Variants in THSD7B observed in about 807,000 individuals in gnomAD.
THSD7B encodes thrombospondin type 1 domain containing 7B, also known as thrombospondin type-1 domain-containing protein 7B.
A neutral mutation model predicts 213.6 loss-of-function variants in THSD7B; 138 were observed. The ratio of observed to expected loss-of-function variants is 0.65; its 90% CI spans 0.56 to 0.74. The LOEUF is 0.74. Ranked by LOEUF, THSD7B falls within the 30% of genes least tolerant of loss-of-function variation. The pLI, the probability that THSD7B is intolerant of heterozygous loss-of-function variation, is 0.00. For synonymous variants in THSD7B, 742 were observed against 687.0 expected, an observed-to-expected ratio of 1.08 and a Z score of -1.25; for missense variants, 1,931 against 1,991.5, an observed-to-expected ratio of 0.97 and a Z score of 0.58.
At chr2:137,095,876 A>G (rs1285880850) in intron 4 of THSD7B, among the ~76,000 whole-genome samples, 4 of 151,752 alleles carry the variant, frequency 2.6e-5, no homozygotes, top group African/African-American at 9.7e-5. Flanking sequence ...TATATTTTTT[A>G]TTTTGTATAG....
In THSD7B at chr2:137,160,293, G is replaced by T. The variant is rs769700307; in HGVS notation, c.1450G>T (p.Asp484Tyr). The change falls in exon 6 of 28, where the codon GAC (aspartate) becomes TAC (tyrosine). Residue 484 changes from aspartate (D) to tyrosine (Y), a missense_variant. Transcript: ENST00000409968. ...SQLCNIPCST[D>Y]CIVSSWSAWG... ...GCTCTGCAATATCCCTTGCTCTACG[G>T]ACTGCATAGTATCTTCCTGGTCAGC... The T allele has an allele frequency of 4.3e-6, 7 of 1,613,682 alleles. No homozygotes were observed. In the South Asian group the frequency reaches 6.6e-5, roughly 15 times the overall value.
At chr2:137,363,361 G>T (rs1467532638) in intron 12 of THSD7B, among the ~76,000 whole-genome samples, 4 of 152,134 alleles carry the variant, frequency 2.6e-5, no homozygotes, top group Non-Finnish European at 5.9e-5. Flanking sequence ...TCAAAAGCTA[G>T]CAGAAGGCAA....
intron 2 of THSD7B, among the ~76,000 whole-genome samples, chr2:137,046,397 A>C (rs2104866732): frequency 6.6e-6 from 1 of 152,206 alleles, no homozygotes; most frequent in East Asian, 1.9e-4. Flanking sequence ...AGTGGGGATG[A>C]ATGTTACTGG....
At chr2:136,957,199 C>T (rs575431084) in intron 2 of THSD7B, among the ~76,000 whole-genome samples, 14 of 152,274 alleles carry the variant, frequency 9.2e-5, no homozygotes, top group African/African-American at 3.1e-4. Flanking sequence ...TACTCTGAGG[C>T]CTTGGGCTGG....
At chr2:137,325,024 G>GT (rs1467508143) in intron 12 of THSD7B, among the ~76,000 whole-genome samples, 1 of 152,142 alleles carries the variant, frequency 6.6e-6, no homozygotes, top group African/African-American at 2.4e-5. Flanking sequence ...TTTCCTTGTG[G>GT]TTTTGCCATA....
At chr2:137,187,370 T>G (rs1386378707) in intron 7 of THSD7B, among the ~76,000 whole-genome samples, 1 of 152,198 alleles carries the variant, frequency 6.6e-6, no homozygotes, top group Admixed American at 6.5e-5. Flanking sequence ...ACTTGCCACA[T>G]AGACCATGGT....
At chr2:137,561,279 C>T (rs1351131459) in intron 15 of THSD7B, among the ~76,000 whole-genome samples, 1 of 152,096 alleles carries the variant, frequency 6.6e-6, no homozygotes, top group Non-Finnish European at 1.5e-5. Flanking sequence ...ACTAAACAAA[C>T]AGTTTTTCAT....
chr2:137,551,501 C>CAATA (rs1680847660), intron 15 of THSD7B, among the ~76,000 whole-genome samples: 1 of 152,048 alleles, frequency 6.6e-6, no homozygotes, highest in Non-Finnish European at 1.5e-5. Context: ...GGGCCCCTTG[C>CAATA]AATAATATTG....
intron 1 of THSD7B, among the ~76,000 whole-genome samples, chr2:136,870,836 G>A (rs948284719): frequency 5.3e-5 from 8 of 152,166 alleles, no homozygotes; most frequent in African/African-American, 1.9e-4. Context: ...GCCACTAGAG[G>A]ATTTTGTAGA....
chr2:137,314,423 A>C lies in THSD7B; in HGVS notation c.2500+38397A>C, dbSNP rs543275823. ...ATACATTCTTCTAAATTTTTTTCACAGTTTTCAACTTCTTTGCCTTTGGTT... is the reference window on the plus strand; with the variant it reads ...ATACATTCTTCTAAATTTTTTTCACCGTTTTCAACTTCTTTGCCTTTGGTT... On this transcript the variant is annotated intron_variant, in intron 12 of 27. Transcript: ENST00000409968. Among the ~76,000 whole-genome samples, 67 of 152,142 alleles carry C rather than the reference A, an allele frequency of 4.4e-4. 2 individuals carry two copies. The South Asian group carries it at 0.014, about 32-fold the overall frequency.
At chr2:137,113,659 A>G (rs1217943240) in intron 4 of THSD7B, among the ~76,000 whole-genome samples, 1 of 151,614 alleles carries the variant, frequency 6.6e-6, no homozygotes, top group Non-Finnish European at 1.5e-5. Context: ...CTGGTCTCGA[A>G]CTCCTGACCT....
intron 15 of THSD7B, among the ~76,000 whole-genome samples, chr2:137,491,699 A>G (rs1326047600): frequency 6.6e-6 from 1 of 152,316 alleles, no homozygotes; most frequent in Non-Finnish European, 1.5e-5. Context: ...GACCTGTTTC[A>G]TGCTACACAT....
At chr2:137,018,827 T>A (rs1211681298) in intron 2 of THSD7B, among the ~76,000 whole-genome samples, 1 of 152,234 alleles carries the variant, frequency 6.6e-6, no homozygotes, top group Non-Finnish European at 1.5e-5. Context: ...ATGTTTTCTT[T>A]GATTCAATTA....
chr2:136,767,033 G>A (rs1340057504), intron 1 of THSD7B, among the ~76,000 whole-genome samples: 1 of 151,898 alleles, frequency 6.6e-6, no homozygotes, highest in African/African-American at 2.4e-5. Flanking sequence ...TGTGTTTGGA[G>A]TTTCCTTTTG....
intron 15 of THSD7B, among the ~76,000 whole-genome samples, chr2:137,483,839 A>C (rs1296079648): frequency 6.6e-6 from 1 of 152,032 alleles, no homozygotes; most frequent in Non-Finnish European, 1.5e-5. Context: ...CATTTCGGAG[A>C]CAGAATTTAC....
At chr2:136,767,560 A>G (rs1252454628) in intron 1 of THSD7B, among the ~76,000 whole-genome samples, 1 of 151,966 alleles carries the variant, frequency 6.6e-6, no homozygotes, top group Non-Finnish European at 1.5e-5. Flanking sequence ...ATGCAAATTT[A>G]AGTGAAAAAA....
At chr2:137,176,570 G>T (rs891560926) in intron 7 of THSD7B, among the ~76,000 whole-genome samples, 1 of 152,164 alleles carries the variant, frequency 6.6e-6, no homozygotes, top group Non-Finnish European at 1.5e-5. Flanking sequence ...GAAGTAATGG[G>T]TTGTAGCACA....
intron 15 of THSD7B, among the ~76,000 whole-genome samples, chr2:137,552,306 T>C (rs1680865282): frequency 6.6e-6 from 1 of 152,178 alleles, no homozygotes; most frequent in Admixed American, 6.5e-5. Context: ...ATTAGAATTA[T>C]GTTCATTGAA....
intron 20 of THSD7B, among the ~76,000 whole-genome samples, chr2:137,640,902 C>T (rs918826918): frequency 1.3e-5 from 2 of 152,144 alleles, no homozygotes; most frequent in Admixed American, 1.3e-4. Flanking sequence ...AATTTAGAAG[C>T]CAGTGATTAG....
Sources: gnomAD v4.1 joint callset for allele counts (sites outside exome capture counted in the v4.1 genomes callset) on GRCh38, gnomAD v4.1.1 for gene constraint, MANE v1.5 for transcripts, NCBI Gene and HGNC (gene_info 2026-07-23, HGNC 2026-07-21) for gene names.